DMD: variants seen among roughly 807,000 people sequenced by gnomAD.
The protein encoded by DMD is dystrophin.
DMD carries 63 observed loss-of-function variants against 330.1 expected under a neutral mutation model. The observed-to-expected ratio is 0.19, with a 90% CI of 0.16 to 0.24. DMD has a LOEUF of 0.24. Ranked by LOEUF, DMD falls within the 10% of genes least tolerant of loss-of-function variation. The pLI is 1.00. For synonymous variants in DMD, 1,223 were observed against 959.8 expected, an observed-to-expected ratio of 1.27 and a Z score of -5.07; for missense variants, 3,344 against 2,684.1, an observed-to-expected ratio of 1.25 and a Z score of -5.43.
At chrX:31,760,994 G>T (rs1487688135) in intron 51 of DMD, among the ~76,000 whole-genome samples, 1 of 98,989 alleles carries the variant, frequency 1.0e-5, no homozygotes, top group Non-Finnish European at 2.0e-5. Context: ...GCCCAGGCTG[G>T]AGTGCAGTAG....
intron 9 of DMD, among the ~76,000 whole-genome samples, chrX:32,661,874 A>G (rs1286234312): frequency 1.8e-5 from 2 of 111,850 alleles, no homozygotes; most frequent in African/African-American, 6.5e-5. Flanking sequence ...TACATAAAAT[A>G]TAGATACAAT....
At chrX:32,211,600 G>A (rs1220273778) in intron 44 of DMD, among the ~76,000 whole-genome samples, 1 of 111,397 alleles carries the variant, frequency 9.0e-6, no homozygotes, top group Non-Finnish European at 1.9e-5. Flanking sequence ...ATAACACACT[G>A]GTGTTTCGCT....
intron 21 of DMD, among the ~76,000 whole-genome samples, chrX:32,478,614 T>C (rs1200805970): frequency 8.9e-6 from 1 of 112,062 alleles, no homozygotes; most frequent in Non-Finnish European, 1.9e-5. Context: ...TGTCAATATA[T>C]AAGTTGTTTC....
chrX:33,325,065 C>T (rs1267071991), intron 1 of DMD, among the ~76,000 whole-genome samples: 1 of 111,660 alleles, frequency 9.0e-6, no homozygotes, highest in Non-Finnish European at 1.9e-5. Context: ...TATAAGCCCA[C>T]AAATGATCAT....
intron 2 of DMD, among the ~76,000 whole-genome samples, chrX:33,009,946 GTGTGTA>G (rs1437364551): frequency 1.5e-4 from 4 of 26,882 alleles, no homozygotes; most frequent in Non-Finnish European, 2.9e-4. Flanking sequence ...GTATATACAC[GTGTGTA>G]TGTGTATATA....
At chrX:32,328,114 A>C (rs1187326298) in intron 41 of DMD, among the ~76,000 whole-genome samples, 4 of 111,702 alleles carry the variant, frequency 3.6e-5, no homozygotes, top group Non-Finnish European at 7.5e-5. Context: ...AGAATGTGAA[A>C]AAAGCATGCA....
intron 64 of DMD, among the ~76,000 whole-genome samples, chrX:31,218,553 A>T (rs1254548643): frequency 1.8e-5 from 2 of 111,935 alleles, no homozygotes. Flanking sequence ...TAGCTGAAAA[A>T]TGATAACTTC....
intron 2 of DMD, among the ~76,000 whole-genome samples, chrX:32,914,900 A>G (rs181412729): frequency 8.9e-6 from 1 of 111,795 alleles, no homozygotes; most frequent in African/African-American, 3.2e-5. Flanking sequence ...CATATTTACT[A>G]TTATTGTCCC....
chrX:32,997,011 T>C lies in DMD; in HGVS notation c.93+23128A>G, dbSNP rs187466192. Among the ~76,000 whole-genome samples, 6 of 111,600 alleles carry C rather than the reference T, an allele frequency of 5.4e-5. No homozygotes were observed. In the East Asian group the frequency reaches 1.7e-3, roughly 32 times the overall value. ...ATGTATATTTGCCTTTTTCTGTTGT[T>C]ATTTTTATAGATTTAGGAGGTACAG... On this transcript the variant is annotated intron_variant, in intron 2 of 78. Transcript: ENST00000357033.
At chrX:32,331,252 G>A (rs936789191) in intron 41 of DMD, among the ~76,000 whole-genome samples, 8 of 111,829 alleles carry the variant, frequency 7.2e-5, no homozygotes, top group African/African-American at 2.6e-4. Context: ...AATGTCCATA[G>A]TCACAATGAG....
chrX:31,180,490 G>C lies in DMD; in HGVS notation c.9975-9C>G. ...GCTTTAGACTCCTGTACCTGATAAA[G>C]AGCAAAAACAAACACGTATGTATTT... On this transcript the variant is annotated splice_polypyrimidine_tract_variant and intron_variant, in intron 68 of 78. Transcript: ENST00000357033. The C allele has an allele frequency of 9.1e-7, 1 of 1,103,453 alleles. No individual in the cohort carries two copies. The highest frequency in any genetic ancestry group is 2.4e-4 in the Middle Eastern group (1 of 4,103). The allele number at this position is 1,103,453 out of a possible 1,213,427, so 90.9% of individuals were successfully genotyped here. A position where few individuals can be genotyped will look rare whatever the true frequency, so the allele number is the denominator to read the frequency against.
intron 44 of DMD, among the ~76,000 whole-genome samples, chrX:32,158,645 C>A (rs2096838622): frequency 9.0e-6 from 1 of 110,990 alleles, no homozygotes; most frequent in Non-Finnish European, 1.9e-5. Context: ...AGTATCTACC[C>A]AACCGTCAAT....
chrX:32,502,825 G>T (rs981409289), intron 18 of DMD, among the ~76,000 whole-genome samples: 1 of 110,600 alleles, frequency 9.0e-6, no homozygotes, highest in Non-Finnish European at 1.9e-5. Context: ...GAGTACAGAT[G>T]GGAGGGCAAA....
rs762095024 is a variant in DMD, at chrX:32,761,023, A to ATTTCTCTCTC, written c.649+48460_649+48469dup. Among the ~76,000 whole-genome samples the ATTTCTCTCTC allele has an allele frequency of 2.9e-5, 3 of 104,276 alleles. No individual in the cohort carries two copies. The South Asian group carries it at 1.2e-3, about 42-fold the overall frequency. 90.6% of individuals were successfully genotyped at this position (104,276 alleles called of 115,157 possible). A position where few individuals can be genotyped will look rare whatever the true frequency, so the allele number is the denominator to read the frequency against. On this transcript the variant is annotated intron_variant, in intron 7 of 78. Transcript: ENST00000357033. Reference sequence around the variant, plus strand: ...AGCCCAAATGTACTCTCCGGGCATTATTTCTCTCTCTCTCTCAAGTGATTG... The same window carrying ATTTCTCTCTC: ...AGCCCAAATGTACTCTCCGGGCATTATTTCTCTCTCTTTCTCTCTCTCTCTCAAGTGATTG...
At chrX:32,786,107 G>A (rs946578117) in intron 7 of DMD, among the ~76,000 whole-genome samples, 4 of 109,810 alleles carry the variant, frequency 3.6e-5, no homozygotes, top group Non-Finnish European at 5.7e-5. Context: ...GTGTGTGTGT[G>A]TGTGTGTGTG....
At chrX:31,421,739 G>A (rs1172546290) in intron 60 of DMD, among the ~76,000 whole-genome samples, 1 of 108,523 alleles carries the variant, frequency 9.2e-6, no homozygotes, top group East Asian at 2.9e-4. Flanking sequence ...TTCTGATCTT[G>A]CTTTTAACAA....
chrX:31,288,645 A>C (rs190015767), intron 62 of DMD, among the ~76,000 whole-genome samples: 11 of 112,026 alleles, frequency 9.8e-5, no homozygotes, highest in African/African-American at 3.2e-4. Flanking sequence ...GGACAAAGGA[A>C]CTGAATAATG....
chrX:33,061,684 T>C (rs1265816598), intron 1 of DMD, among the ~76,000 whole-genome samples: 1 of 111,435 alleles, frequency 9.0e-6, no homozygotes, highest in African/African-American at 3.3e-5. Context: ...AAATCAAAGG[T>C]GGCTGACACA....
chrX:33,305,719 TATCATTTC>T (rs2053752138), intron 1 of DMD, among the ~76,000 whole-genome samples: 1 of 111,344 alleles, frequency 9.0e-6, no homozygotes, highest in African/African-American at 3.3e-5. Flanking sequence ...AGTATTCTCT[TATCATTTC>T]ATTCTATGTT....
Sources: allele counts gnomAD v4.1 joint callset (sites outside exome capture counted in the v4.1 genomes callset), GRCh38; gene constraint gnomAD v4.1.1; transcripts MANE v1.5; gene names NCBI Gene and HGNC (gene_info 2026-07-23, HGNC 2026-07-21).